NXPE1: variants seen among roughly 807,000 people sequenced by gnomAD.
The protein encoded by NXPE1 is NXPE family member 1.
Under a neutral mutation model 33.3 loss-of-function variants are expected in NXPE1, and 31 were observed. That is an observed-to-expected ratio of 0.93 (90% CI 0.70 to 1.26). NXPE1 has a LOEUF of 1.26. Among genes scored for constraint, NXPE1 ranks in the 50% most tolerant of loss-of-function variants. NXPE1 has a pLI of 0.00. For synonymous variants in NXPE1, 229 were observed against 231.4 expected (o/e 0.99, Z 0.09); for missense variants, 661 against 655.6 (o/e 1.01, Z -0.09).
chr11:114,525,486 GA>G (rs1947341077), intron 7 of NXPE1, among the ~76,000 whole-genome samples: 1 of 152,124 alleles, frequency 6.6e-6, no homozygotes, highest in African/African-American at 2.4e-5. Context: ...CCGGGTCCCA[GA>G]AGGGATGGGC....
chr11:114,559,325 C>T (rs580705), intron 1 of NXPE1, among the ~76,000 whole-genome samples: 6 of 151,948 alleles, frequency 3.9e-5, no homozygotes, highest in African/African-American at 9.7e-5. Context: ...TAGACCACAA[C>T]GATCTCTCCC....
rs868582967 is a variant in NXPE1, at chr11:114,529,845, T to C, written c.833+330A>G. 6 of 255,836 alleles carry C rather than the reference T, an allele frequency of 2.3e-5. No homozygotes were observed. The East Asian group carries it at 3.3e-4, about 14-fold the overall frequency. 15.8% of individuals were successfully genotyped at this position (255,836 alleles called of 1,614,324 possible). ...GGGGGGAAATGGATCAACGCAAAGA[T>C]ATTTAAGGGGCAAAATTAACAAAAT... is the stretch of plus-strand genomic sequence containing the variant. On this transcript the variant is annotated intron_variant, in intron 6 of 8. Coordinates refer to ENST00000534921, the Ensembl canonical transcript of NXPE1.
intron 1 of NXPE1, among the ~76,000 whole-genome samples, 197 bp from the exon 2 acceptor site, chr11:114,553,077 C>T (rs1948553389): frequency 1.3e-5 from 2 of 152,182 alleles, no homozygotes; most frequent in African/African-American, 4.8e-5. Flanking sequence ...TCAATCTCCA[C>T]CATGCTTCCT....
chr11:114,521,762 G>A, exon 9 of NXPE1: 1 of 496,182 alleles, frequency 2.0e-6, no homozygotes. Flanking sequence ...ATCAGAACCA[G>A]GCATGGTATA....
At chr11:114,521,963 A>G (rs1947221295) in exon 9 of NXPE1, 4 of 1,598,626 alleles carry the variant, frequency 2.5e-6, no homozygotes, top group African/African-American at 1.3e-5. Flanking sequence ...TATAGTATTT[A>G]TCCCTTAGCA....
At chr11:114,533,005 C>G (rs1947640963) in intron 5 of NXPE1, among the ~76,000 whole-genome samples, 3 of 152,106 alleles carry the variant, frequency 2.0e-5, no homozygotes, top group Admixed American at 2.0e-4. Context: ...AAACCTTAAA[C>G]ATTTTAAAAG....
At chr11:114,547,124 A>C (rs569850979) in intron 5 of NXPE1, among the ~76,000 whole-genome samples, 1 of 152,288 alleles carries the variant, frequency 6.6e-6, no homozygotes, top group East Asian at 1.9e-4. Context: ...GAAAGAGTAC[A>C]GTAAAGAGCA....
chr11:114,532,838 G>C (rs929646224), intron 5 of NXPE1, among the ~76,000 whole-genome samples: 7 of 152,064 alleles, frequency 4.6e-5, no homozygotes, highest in African/African-American at 1.4e-4. Flanking sequence ...AATGGTTCTA[G>C]AGTGAAAAAT....
intron 5 of NXPE1, among the ~76,000 whole-genome samples, chr11:114,535,620 A>C (rs1947787507): frequency 6.6e-6 from 1 of 152,226 alleles, no homozygotes; most frequent in Non-Finnish European, 1.5e-5. Context: ...AAAAAAATGC[A>C]GGGATTGCAA....
At chr11:114,537,694 G>T (rs996560877) in intron 5 of NXPE1, among the ~76,000 whole-genome samples, 6 of 152,088 alleles carry the variant, frequency 3.9e-5, no homozygotes, top group African/African-American at 4.8e-5. Flanking sequence ...GCTTCAAAGA[G>T]AATAAAATAC....
At chr11:114,519,795 A>G (rs560915214), downstream of NXPE1, among the ~76,000 whole-genome samples, 31 of 152,138 alleles carry the variant, frequency 2.0e-4, no homozygotes, top group Non-Finnish European at 3.2e-4. Flanking sequence ...GCATACATTT[A>G]AGGTATACAG....
chr11:114,520,880 T>G (rs1947196736), downstream of NXPE1, among the ~76,000 whole-genome samples: 1 of 152,252 alleles, frequency 6.6e-6, no homozygotes, highest in African/African-American at 2.4e-5. Flanking sequence ...TCAAATCATG[T>G]AGGACATAAT....
chr11:114,556,166 A>G (rs931681110), intron 1 of NXPE1, among the ~76,000 whole-genome samples: 3 of 152,234 alleles, frequency 2.0e-5, no homozygotes, highest in African/African-American at 7.2e-5. Context: ...TTTCCAATTC[A>G]TGAAAACAGT....
chr11:114,538,291 A>T (rs571037589), intron 5 of NXPE1, among the ~76,000 whole-genome samples: 8 of 152,236 alleles, frequency 5.3e-5, no homozygotes, highest in Non-Finnish European at 7.3e-5. Flanking sequence ...AGATGGATTA[A>T]AGACTTACAT....
chr11:114,557,874 C>A (rs143402343), intron 1 of NXPE1, among the ~76,000 whole-genome samples: 430 of 151,712 alleles, frequency 2.8e-3, no homozygotes, highest in African/African-American at 9.1e-3. Flanking sequence ...GTTTCTTTTG[C>A]GGGCTATACA....
At chr11:114,539,399 G>A (rs903172820) in intron 5 of NXPE1, among the ~76,000 whole-genome samples, 38 of 151,012 alleles carry the variant, frequency 2.5e-4, no homozygotes, top group South Asian at 8.4e-4. Flanking sequence ...AAACCTGCAC[G>A]TTGTGCACAT....
At chr11:114,531,552 C>T (rs1387820079) in intron 5 of NXPE1, among the ~76,000 whole-genome samples, 1 of 152,214 alleles carries the variant, frequency 6.6e-6, no homozygotes, top group Non-Finnish European at 1.5e-5. Flanking sequence ...ACTTAACCCC[C>T]TTCAATGGCT....
At chr11:114,529,878 G>A in intron 6 of NXPE1, 1 of 310,042 alleles carries the variant, frequency 3.2e-6, no homozygotes, top group Non-Finnish European at 5.9e-6. Flanking sequence ...AATATGATAT[G>A]GGAGGTGAAG....
chr11:114,530,769 A>G, exon 6 of NXPE1: 1 of 1,614,096 alleles, frequency 6.2e-7, no homozygotes, highest in Non-Finnish European at 8.5e-7. Flanking sequence ...CTGCTGATCT[A>G]GTTTCTCTAT....
Sources: gnomAD v4.1 joint callset for allele counts (sites outside exome capture counted in the v4.1 genomes callset) on GRCh38, gnomAD v4.1.1 for gene constraint, MANE v1.5 for transcripts, NCBI Gene and HGNC (gene_info 2026-07-23, HGNC 2026-07-21) for gene names.